Variants in CASK observed in about 807,000 individuals in gnomAD.
CASK encodes the protein calcium/calmodulin dependent serine protein kinase.
Under a neutral mutation model 82.9 loss-of-function variants are expected in CASK, and 4 were observed. The observed-to-expected ratio is 0.05, with a 90% CI of 0.02 to 0.11. The LOEUF is 0.11. Among genes scored for constraint, CASK ranks in the 10% least tolerant of loss-of-function variants. The probability of loss-of-function intolerance (pLI) is 1.00; values close to 1 mark genes in which losing one functional copy is unlikely to be tolerated. For synonymous variants in CASK, 259 were observed against 253.5 expected (o/e 1.02, Z -0.20); for missense variants, 358 against 720.9 (o/e 0.50, Z 5.76).
At chrX:41,912,300 GTTTTTTTTTT>G (rs774775542) in intron 1 of CASK, among the ~76,000 whole-genome samples, 25 of 53,177 alleles carry the variant, frequency 4.7e-4, no homozygotes, top group African/African-American at 1.9e-3. Flanking sequence ...TTTGTTTTCT[GTTTTTTTTTT>G]TTTTTTTTTT....
At chrX:41,596,836 C>T (rs1202914194) in intron 12 of CASK, among the ~76,000 whole-genome samples, 2 of 111,983 alleles carry the variant, frequency 1.8e-5, no homozygotes, top group African/African-American at 6.5e-5. Context: ...CCTACACCGA[C>T]ACGCTTCATT....
intron 3 of CASK, among the ~76,000 whole-genome samples, chrX:41,760,229 A>C (rs1163970287): frequency 8.9e-6 from 1 of 112,326 alleles, no homozygotes; most frequent in African/African-American, 3.2e-5. Flanking sequence ...ACTAATCCTC[A>C]CAGCTAAACA....
Position 41,517,348 on chromosome X carries a change from G to T in CASK, c.*3072C>A, listed in dbSNP as rs1040287432. 1.6e-5 allele frequency: 2 copies of T among 125,793 alleles called. No homozygotes were observed. The highest frequency in any genetic ancestry group is 4.8e-4 in the East Asian group (2 of 4,203). The allele number at this position is 125,793 out of a possible 1,213,427, so 10.4% of individuals were successfully genotyped here. On this transcript the variant is annotated 3_prime_UTR_variant, in exon 27 of 27. Transcript: ENST00000378163. ...GATTTTAAATCATCTCACCTGACAA[G>T]AGATACATTTAATTGCATTTAAAAA...
chrX:41,546,335 T>G (rs1222010067), intron 21 of CASK, among the ~76,000 whole-genome samples: 1 of 111,453 alleles, frequency 9.0e-6, no homozygotes, highest in Non-Finnish European at 1.9e-5. Context: ...GTCTCAAACT[T>G]CTGGGCTCAA....
rs977225413 is a variant in CASK at position 41,870,640 on chromosome X, G to A, written c.60-17413C>T. ...TAAAATATATGATAGACATTAACAT[G>A]TAAATCAGGAAGGAATAAAGTTAAA... On this transcript the variant is annotated intron_variant, in intron 1 of 26. Coordinates refer to ENST00000378163, the MANE Select transcript of CASK (RefSeq NM_001367721.1). Among the ~76,000 whole-genome samples, 4 of 112,601 alleles carry A rather than the reference G, an allele frequency of 3.6e-5. 1 individual carries two copies. Among genetic ancestry groups the A allele is most frequent in the Middle Eastern group, 9.3e-3 (2 of 214 alleles).
chrX:41,625,605 G>A (rs1033187287), intron 10 of CASK, among the ~76,000 whole-genome samples: 3 of 110,531 alleles, frequency 2.7e-5, no homozygotes, highest in East Asian at 5.7e-4. Context: ...CCCCTGAGCC[G>A]GGTGCCTCAG....
intron 5 of CASK, among the ~76,000 whole-genome samples, chrX:41,694,412 T>C (rs2067639310): frequency 8.9e-6 from 1 of 112,067 alleles, no homozygotes; most frequent in Non-Finnish European, 1.9e-5. Context: ...AAATGCTTTC[T>C]TTACTTGTTA....
At chrX:41,841,881 C>T (rs2071047188) in intron 2 of CASK, among the ~76,000 whole-genome samples, 1 of 111,495 alleles carries the variant, frequency 9.0e-6, no homozygotes, top group South Asian at 3.7e-4. Context: ...ATGATGAATC[C>T]CATTATCTAT....
intron 5 of CASK, among the ~76,000 whole-genome samples, chrX:41,736,968 TATATC>T (rs1352792936): frequency 8.9e-6 from 1 of 112,467 alleles, no homozygotes; most frequent in Non-Finnish European, 1.9e-5. Context: ...CATCCTTGTA[TATATC>T]TGGCACTCCA....
chrX:41,890,081 A>C (rs1004909073), intron 1 of CASK, among the ~76,000 whole-genome samples: 1 of 111,784 alleles, frequency 8.9e-6, no homozygotes, highest in African/African-American at 3.3e-5. Flanking sequence ...ATAGAGCCCA[A>C]GTACCCTTCA....
intron 5 of CASK, among the ~76,000 whole-genome samples, chrX:41,733,162 C>T (rs778626525): frequency 9.0e-4 from 62 of 69,266 alleles, no homozygotes; most frequent in Non-Finnish European, 1.3e-3. Flanking sequence ...GGCAACAGAG[C>T]GAGATTCCAT....
intron 11 of CASK, among the ~76,000 whole-genome samples, chrX:41,616,879 G>T (rs1192751068): frequency 8.9e-6 from 1 of 112,310 alleles, no homozygotes; most frequent in Non-Finnish European, 1.9e-5. Flanking sequence ...AAAGTGTTGG[G>T]ATTACTGGCG....
At chrX:41,679,099 A>T (rs971712927) in intron 5 of CASK, among the ~76,000 whole-genome samples, 2 of 110,952 alleles carry the variant, frequency 1.8e-5, no homozygotes, top group Admixed American at 1.9e-4. Context: ...AAACTTCTAT[A>T]AAAAGTAAAA....
At chrX:41,745,767 T>C (rs755294745) in intron 3 of CASK, among the ~76,000 whole-genome samples, 166 bp from the exon 4 acceptor site, 5 of 112,381 alleles carry the variant, frequency 4.4e-5, no homozygotes, top group Non-Finnish European at 9.4e-5. Flanking sequence ...ATAAAGGGCA[T>C]GACAGTCATC....
intron 3 of CASK, among the ~76,000 whole-genome samples, chrX:41,766,891 A>C (rs989015566): frequency 8.9e-6 from 1 of 111,825 alleles, no homozygotes; most frequent in Admixed American, 9.5e-5. Context: ...TGTTTCAAAA[A>C]AACAAAAACA....
At chrX:41,903,503 T>C (rs1246267554) in intron 1 of CASK, among the ~76,000 whole-genome samples, 1 of 112,274 alleles carries the variant, frequency 8.9e-6, no homozygotes, top group African/African-American at 3.2e-5. Context: ...AAAACTCATA[T>C]AATTCAATTA....
intron 14 of CASK, chrX:41,585,165 T>C (rs1197580114): frequency 8.9e-6 from 1 of 112,610 alleles, no homozygotes; most frequent in Non-Finnish European, 1.9e-5. Flanking sequence ...GGTTACAAGA[T>C]ACCTTGATAA....
chrX:41,848,590 G>T (rs1056298829), intron 2 of CASK, among the ~76,000 whole-genome samples: 3 of 111,774 alleles, frequency 2.7e-5, no homozygotes, highest in African/African-American at 9.8e-5. Context: ...GTAGAACCAT[G>T]AGCCAAATAA....
At chrX:41,740,400 ATTTTG>A (rs2147721489) in intron 4 of CASK, among the ~76,000 whole-genome samples, 1 of 110,115 alleles carries the variant, frequency 9.1e-6, no homozygotes, top group South Asian at 3.9e-4. Flanking sequence ...TATTTATAGA[ATTTTG>A]TTTTGTTTCC....
Sources: gnomAD v4.1 joint callset for allele counts (sites outside exome capture counted in the v4.1 genomes callset) on GRCh38, gnomAD v4.1.1 for gene constraint, MANE v1.5 for transcripts, NCBI Gene and HGNC (gene_info 2026-07-23, HGNC 2026-07-21) for gene names.